The following INSR variants were observed in gnomAD, a reference collection of about 807,000 sequenced individuals.
INSR encodes the protein insulin receptor.
INSR carries 67 observed loss-of-function variants against 142.6 expected under a neutral mutation model. That is an observed-to-expected ratio of 0.47 (90% CI 0.39 to 0.58). INSR has a LOEUF of 0.58. Ranked by LOEUF, INSR falls within the 20% of genes least tolerant of loss-of-function variation. The probability of loss-of-function intolerance (pLI) is 0.00; values close to 1 mark genes in which losing one functional copy is unlikely to be tolerated. For synonymous variants in INSR, 756 were observed against 743.1 expected, an observed-to-expected ratio of 1.02 and a Z score of -0.28; for missense variants, 1,248 against 1,833.2, an observed-to-expected ratio of 0.68 and a Z score of 5.83.
intron 1 of INSR, among the ~76,000 whole-genome samples, chr19:7,270,339 T>TCA (rs1178953100): frequency 0.014 from 1,671 of 120,246 alleles, 30 homozygotes; most frequent in African/African-American, 0.041. Flanking sequence ...TCTCTCTCTC[T>TCA]CACACACACA....
intron 9 of INSR, among the ~76,000 whole-genome samples, chr19:7,155,846 C>T (rs1973576280): frequency 6.8e-6 from 1 of 147,214 alleles, no homozygotes; most frequent in Non-Finnish European, 1.5e-5. Context: ...CCTGGGAAGT[C>T]GAGGCTGCAG....
At chr19:7,155,230 T>C (rs1973558799) in intron 9 of INSR, among the ~76,000 whole-genome samples, 1 of 151,786 alleles carries the variant, frequency 6.6e-6, no homozygotes, top group Non-Finnish European at 1.5e-5. Context: ...ACAGGAATTT[T>C]CTTGGCACAT....
chr19:7,257,349 A>G (rs1204556190), intron 2 of INSR, among the ~76,000 whole-genome samples: 1 of 151,986 alleles, frequency 6.6e-6, no homozygotes, highest in African/African-American at 2.4e-5. Flanking sequence ...GAATTTATCA[A>G]TATTCCCTGT....
chr19:7,132,458 G>A lies in INSR; in HGVS notation c.2683-141C>T, dbSNP rs556447225. ...AAAGCACAGACTAAGACACATAAGC[G>A]ACTTTGAGAATTGCAGAATTTTATA... On this transcript the variant is annotated intron_variant, in intron 13 of 21. Transcript: ENST00000302850. 33 of 879,050 alleles carry A rather than the reference G, an allele frequency of 3.8e-5. No homozygotes were observed. In the South Asian group the frequency reaches 4.2e-4, roughly 11 times the overall value. 54.5% of individuals were successfully genotyped at this position (879,050 alleles called of 1,614,324 possible). A position where few individuals can be genotyped will look rare whatever the true frequency, so the allele number is the denominator to read the frequency against.
At chr19:7,137,750 G>A (rs1405508146) in intron 13 of INSR, among the ~76,000 whole-genome samples, 1 of 120,052 alleles carries the variant, frequency 8.3e-6, no homozygotes, top group Non-Finnish European at 1.6e-5. Context: ...CTGCACCACT[G>A]CACTCCAGCC....
At chr19:7,206,761 C>A (rs1032066053) in intron 2 of INSR, among the ~76,000 whole-genome samples, 1 of 151,910 alleles carries the variant, frequency 6.6e-6, no homozygotes, top group Non-Finnish European at 1.5e-5. Flanking sequence ...TCAACAACAA[C>A]GACCACAACA....
intron 9 of INSR, among the ~76,000 whole-genome samples, chr19:7,157,306 G>A (rs1224875147): frequency 2.6e-5 from 4 of 151,518 alleles, no homozygotes; most frequent in Non-Finnish European, 5.9e-5. Context: ...TTAGAGACGG[G>A]GTTTTGCCAT....
intron 2 of INSR, among the ~76,000 whole-genome samples, chr19:7,222,584 G>C (rs1975654219): frequency 6.6e-6 from 1 of 152,030 alleles, no homozygotes; most frequent in South Asian, 2.1e-4. Context: ...TTAGAGACAG[G>C]GTCTTGCTAC....
intron 1 of INSR, among the ~76,000 whole-genome samples, chr19:7,281,199 A>T (rs1352898956): frequency 6.6e-6 from 1 of 152,208 alleles, no homozygotes; most frequent in African/African-American, 2.4e-5. Flanking sequence ...CAGACCAGAA[A>T]GTCACTTTGT....
chr19:7,217,156 G>A (rs1011057423), intron 2 of INSR, among the ~76,000 whole-genome samples: 1 of 152,040 alleles, frequency 6.6e-6, no homozygotes, highest in African/African-American at 2.4e-5. Context: ...TTTTGGTGGT[G>A]AAAAGCCCAA....
In INSR at chr19:7,117,057, T is replaced by C; in HGVS notation, c.4148A>G (p.Ter1383=). Residue 1383 remains the stop codon, a stop_retained_variant, in exon 22 of 22, where the codon TAA becomes TGA. Coordinates refer to ENST00000302850, the MANE Select transcript of INSR (RefSeq NM_000208.4). ...CCGCCCCCGCCACGGTAGGCACTGTTAGGAAGGATTGGACCGAGGCAAGGT... is the reference window on the plus strand; with the variant it reads ...CCGCCCCCGCCACGGTAGGCACTGTCAGGAAGGATTGGACCGAGGCAAGGT... The part of the protein sequence containing the change: ...ILTLPRSNPS[*] The C allele has an allele frequency of 1.9e-6, 3 of 1,613,390 alleles. No individual in the cohort carries two copies. The highest frequency in any genetic ancestry group is 2.5e-6 in the Non-Finnish European group (3 of 1,179,416).
intron 17 of INSR, 41 bp from the exon 18 acceptor site, chr19:7,123,030 G>A: frequency 7.0e-7 from 1 of 1,437,826 alleles, no homozygotes; most frequent in Non-Finnish European, 9.6e-7. Context: ...GAGGGTCCGT[G>A]ATTCGACTCA....
intron 1 of INSR, among the ~76,000 whole-genome samples, chr19:7,290,704 C>T (rs912964284): frequency 7.5e-5 from 11 of 146,336 alleles, no homozygotes; most frequent in Non-Finnish European, 1.2e-4. Context: ...ACCTGAAAGG[C>T]GGAGGTCGCA....
chr19:7,280,235 G>A (rs1490252707), intron 1 of INSR, among the ~76,000 whole-genome samples: 1 of 151,982 alleles, frequency 6.6e-6, no homozygotes, highest in Non-Finnish European at 1.5e-5. Flanking sequence ...CTGCACTCCA[G>A]CCTGGGCAAC....
intron 13 of INSR, among the ~76,000 whole-genome samples, chr19:7,134,901 T>C (rs1972870136): frequency 6.6e-6 from 1 of 151,788 alleles, no homozygotes; most frequent in African/African-American, 2.4e-5. Context: ...GATAAGCACG[T>C]AACTAGAGAT....
intron 2 of INSR, among the ~76,000 whole-genome samples, chr19:7,189,059 CATT>C (rs1974508769): frequency 6.6e-6 from 1 of 152,132 alleles, no homozygotes; most frequent in African/African-American, 2.4e-5. Flanking sequence ...TTATCAACAT[CATT>C]AACACTGATC....
At chr19:7,229,564 C>T (rs1186304931) in intron 2 of INSR, among the ~76,000 whole-genome samples, 1 of 152,156 alleles carries the variant, frequency 6.6e-6, no homozygotes, top group East Asian at 1.9e-4. Context: ...GGTGCTCCTT[C>T]TCTCCATCAA....
chr19:7,277,102 C>T (rs2145229319), intron 1 of INSR, among the ~76,000 whole-genome samples: 1 of 152,216 alleles, frequency 6.6e-6, no homozygotes, highest in Middle Eastern at 3.4e-3. Context: ...GGGTCTCTGG[C>T]TGTGTATACC....
intron 1 of INSR, among the ~76,000 whole-genome samples, chr19:7,283,066 G>T (rs1968252216): frequency 6.6e-6 from 1 of 151,910 alleles, no homozygotes; most frequent in South Asian, 2.1e-4. Flanking sequence ...GGTAGCACAC[G>T]CCTGTAGTGC....
Sources: allele counts gnomAD v4.1 joint callset (sites outside exome capture counted in the v4.1 genomes callset), GRCh38; gene constraint gnomAD v4.1.1; transcripts MANE v1.5; gene names NCBI Gene and HGNC (gene_info 2026-07-23, HGNC 2026-07-21).